Variants in NRXN1 observed in about 807,000 individuals in gnomAD.
NRXN1 encodes the protein neurexin-1.
NRXN1 carries 39 observed loss-of-function variants against 150.9 expected under a neutral mutation model. That is an observed-to-expected ratio of 0.26 (90% confidence interval 0.20 to 0.34). The LOEUF (loss-of-function observed/expected upper bound fraction) is 0.34, where lower values mean the gene tolerates loss of function less well. Ranked by LOEUF, NRXN1 falls within the 10% of genes least tolerant of loss-of-function variation. The pLI is 1.00. For missense variants in NRXN1, 1,815 were observed against 1,949.9 expected (o/e 0.93, Z 1.30); for synonymous variants, 924 against 757.0 (o/e 1.22, Z -3.62).
chr2:50,144,644 A>C (rs1707750064), intron 18 of NRXN1, among the ~76,000 whole-genome samples: 1 of 151,904 alleles, frequency 6.6e-6, no homozygotes, highest in African/African-American at 2.4e-5. Flanking sequence ...ATATGTATAT[A>C]TGTATGTATG....
intron 21 of NRXN1, among the ~76,000 whole-genome samples, chr2:50,017,326 T>G (rs894949443): frequency 6.6e-6 from 1 of 152,170 alleles, no homozygotes; most frequent in Non-Finnish European, 1.5e-5. Flanking sequence ...TGTCAAAATA[T>G]TTTTGAAATG....
At chr2:49,925,146 G>A (rs1209853412) in intron 22 of NRXN1, among the ~76,000 whole-genome samples, 1 of 151,944 alleles carries the variant, frequency 6.6e-6, no homozygotes, top group Non-Finnish European at 1.5e-5. Context: ...TGGGCATGGT[G>A]GCATGCACCT....
At chr2:50,563,829 G>T (rs1250345482) in intron 8 of NRXN1, among the ~76,000 whole-genome samples, 2 of 152,128 alleles carry the variant, frequency 1.3e-5, no homozygotes, top group African/African-American at 2.4e-5. Flanking sequence ...CCAGTTGGTG[G>T]ATTATCCAAA....
chr2:50,099,456 G>A (rs1486670781), intron 18 of NRXN1, among the ~76,000 whole-genome samples: 1 of 151,892 alleles, frequency 6.6e-6, no homozygotes, highest in Non-Finnish European at 1.5e-5. Context: ...ACAAGGTTGT[G>A]CAACCATCAC....
intron 17 of NRXN1, among the ~76,000 whole-genome samples, chr2:50,460,501 C>G (rs1240742286): frequency 2.0e-5 from 3 of 152,016 alleles, no homozygotes; most frequent in South Asian, 4.1e-4. Context: ...CATATAGATA[C>G]AGACTGAAAC....
At chr2:50,757,022 C>T (rs77914523) in intron 5 of NRXN1, among the ~76,000 whole-genome samples, 253 of 151,840 alleles carry the variant, frequency 1.7e-3, no homozygotes, top group African/African-American at 5.7e-3. Context: ...TGTGAGAAAA[C>T]GTGCTTTGTT....
intron 8 of NRXN1, among the ~76,000 whole-genome samples, chr2:50,557,624 G>C (rs1668446376): frequency 6.6e-6 from 1 of 152,108 alleles, no homozygotes; most frequent in South Asian, 2.1e-4. Flanking sequence ...CCACATTAAG[G>C]TTACTGTAAA....
chr2:50,025,482 A>G (rs1402473579), intron 21 of NRXN1, among the ~76,000 whole-genome samples: 1 of 152,236 alleles, frequency 6.6e-6, no homozygotes, highest in Non-Finnish European at 1.5e-5. Context: ...TGTCATATGA[A>G]ACAAAGCTGC....
chr2:50,710,307 T>A (rs1694992768), intron 5 of NRXN1, among the ~76,000 whole-genome samples: 1 of 152,166 alleles, frequency 6.6e-6, no homozygotes, highest in African/African-American at 2.4e-5. Flanking sequence ...AAAACTCACA[T>A]CTTACTCAGG....
intron 1 of NRXN1, among the ~76,000 whole-genome samples, chr2:51,030,531 T>G (rs1366176359): frequency 8.2e-6 from 1 of 121,450 alleles, no homozygotes; most frequent in Non-Finnish European, 1.7e-5. Context: ...GTTCTCTCTC[T>G]TTCAACACAC....
intron 17 of NRXN1, among the ~76,000 whole-genome samples, chr2:50,427,326 TA>T (rs1477835911): frequency 6.8e-6 from 1 of 147,112 alleles, no homozygotes; most frequent in African/African-American, 2.6e-5. Flanking sequence ...TACAGTAGTT[TA>T]ACTGGTGAGG....
intron 18 of NRXN1, among the ~76,000 whole-genome samples, chr2:50,191,633 C>T (rs1236837836): frequency 6.6e-6 from 1 of 152,172 alleles, no homozygotes; most frequent in Non-Finnish European, 1.5e-5. Flanking sequence ...TATTCTCCAT[C>T]TCTATAATTT....
chr2:50,109,702 C>G (rs886414069), intron 18 of NRXN1, among the ~76,000 whole-genome samples: 1 of 152,056 alleles, frequency 6.6e-6, no homozygotes, highest in Non-Finnish European at 1.5e-5. Context: ...TGGTGAATAC[C>G]CTATTTTCAC....
chr2:51,017,255 T>TA (rs1005695989), intron 2 of NRXN1, among the ~76,000 whole-genome samples: 2 of 151,566 alleles, frequency 1.3e-5, no homozygotes, highest in Non-Finnish European at 2.9e-5. Context: ...AAGTATAATT[T>TA]AAAAAAATAA....
At chr2:50,832,980 C>T (rs1021096029) in intron 5 of NRXN1, among the ~76,000 whole-genome samples, 5 of 152,082 alleles carry the variant, frequency 3.3e-5, no homozygotes, top group African/African-American at 1.2e-4. Flanking sequence ...ATTCAGAAAA[C>T]CTACAAATCA....
At chr2:50,387,674 G>A (rs748584231) in intron 17 of NRXN1, among the ~76,000 whole-genome samples, 1 of 152,126 alleles carries the variant, frequency 6.6e-6, no homozygotes, top group Non-Finnish European at 1.5e-5. Context: ...AGAAATAATT[G>A]ACAGCTGAAG....
At position 50,346,334 on chromosome 2, in the gene NRXN1, T is replaced by C. The variant is rs891780929; in HGVS notation, c.3365-109364A>G. Reference sequence around the variant, plus strand: ...TCTTCTCTCTGGTGCTCAGGTCCCTTAGCTGAGCGCGGCGCCCCATCCGGC... The same window carrying C: ...TCTTCTCTCTGGTGCTCAGGTCCCTCAGCTGAGCGCGGCGCCCCATCCGGC... On this transcript the variant is annotated intron_variant, in intron 17 of 22. Coordinates refer to ENST00000401669, the MANE Select transcript of NRXN1 (RefSeq NM_001330078.2). This position sits in a 1 kb window ranked among gnomAD's most constrained non-coding sequence, Gnocchi z 5.0. 2.0e-5 allele frequency among the ~76,000 whole-genome samples: 3 copies of C among 152,120 alleles called. No individual in the cohort carries two copies. Among genetic ancestry groups the C allele is most frequent in the Non-Finnish European group, 2.9e-5 (2 of 68,018 alleles).
chr2:50,580,974 T>C (rs1348562147), intron 8 of NRXN1, among the ~76,000 whole-genome samples: 1 of 152,194 alleles, frequency 6.6e-6, no homozygotes, highest in Non-Finnish European at 1.5e-5. Context: ...AATATAACCT[T>C]GAAAATGTAA....
At chr2:50,422,631 T>C (rs2084088219) in intron 17 of NRXN1, among the ~76,000 whole-genome samples, 1 of 152,138 alleles carries the variant, frequency 6.6e-6, no homozygotes, top group African/African-American at 2.4e-5. Context: ...CACACAGACA[T>C]AGCAGAATAT....
Sources: allele counts gnomAD v4.1 joint callset (sites outside exome capture counted in the v4.1 genomes callset), GRCh38; gene constraint gnomAD v4.1.1; non-coding constraint Gnocchi (gnomAD v3.1); transcripts MANE v1.5; gene names NCBI Gene and HGNC (gene_info 2026-07-23, HGNC 2026-07-21).